IMMP2L: variants seen among roughly 807,000 people sequenced by gnomAD.
IMMP2L encodes the protein inner mitochondrial membrane peptidase subunit 2, also known as mitochondrial inner membrane protease subunit 2.
A neutral mutation model predicts 19.3 loss-of-function variants in IMMP2L; 18 were observed. The ratio of observed to expected loss-of-function variants is 0.93; its 90% confidence interval spans 0.64 to 1.38. The LOEUF is 1.38. IMMP2L is among the 40% of genes most tolerant of loss of function. IMMP2L has a pLI of 0.00. For missense variants in IMMP2L, 233 were observed against 218.2 expected (o/e 1.07, Z -0.43); for synonymous variants, 76 against 73.0 (o/e 1.04, Z -0.21).
chr7:111,295,579 A>G (rs1283659721), intron 3 of IMMP2L, among the ~76,000 whole-genome samples: 2 of 151,912 alleles, frequency 1.3e-5, no homozygotes, highest in Non-Finnish European at 2.9e-5. Context: ...TTGGGAAGCC[A>G]GTGAAAAAGA....
intron 3 of IMMP2L, among the ~76,000 whole-genome samples, chr7:111,015,724 G>C (rs1370827006): frequency 2.6e-5 from 4 of 151,964 alleles, no homozygotes; most frequent in African/African-American, 4.8e-5. Flanking sequence ...GTTTCTTTAG[G>C]GGGTAATGAA....
chr7:111,400,253 A>C (rs563724744), intron 3 of IMMP2L, among the ~76,000 whole-genome samples: 1 of 152,312 alleles, frequency 6.6e-6, no homozygotes, highest in East Asian at 1.9e-4. Flanking sequence ...AATGAGTACA[A>C]GACTACAAGA....
chr7:110,956,347 G>A (rs185891271), intron 4 of IMMP2L, among the ~76,000 whole-genome samples: 23 of 152,044 alleles, frequency 1.5e-4, no homozygotes, highest in Admixed American at 1.3e-3. Context: ...AAATGACTGC[G>A]TCATGAGCAG....
intron 3 of IMMP2L, among the ~76,000 whole-genome samples, chr7:111,368,149 A>G (rs1337075178): frequency 6.6e-6 from 1 of 151,878 alleles, no homozygotes; most frequent in Non-Finnish European, 1.5e-5. Flanking sequence ...ATATAGGAAA[A>G]AAGAGTTTTC....
intron 3 of IMMP2L, among the ~76,000 whole-genome samples, chr7:111,183,308 G>C (rs1298422419): frequency 6.6e-6 from 1 of 151,962 alleles, no homozygotes; most frequent in Non-Finnish European, 1.5e-5. Flanking sequence ...CTTTATAAGG[G>C]ATATTAGTCA....
intron 3 of IMMP2L, among the ~76,000 whole-genome samples, chr7:111,036,680 A>G (rs1365386981): frequency 2.6e-5 from 4 of 152,148 alleles, no homozygotes; most frequent in Non-Finnish European, 5.9e-5. Context: ...GATGTTACAC[A>G]TCTCTTTTTA....
At chr7:111,392,853 A>G (rs1245457463) in intron 3 of IMMP2L, 1 of 456,570 alleles carries the variant, frequency 2.2e-6, no homozygotes, top group South Asian at 1.5e-5. Context: ...TGAGGAGGTA[A>G]ATCTAGTGAG....
At chr7:111,442,035 G>A (rs113337911) in intron 3 of IMMP2L, among the ~76,000 whole-genome samples, 3,100 of 151,774 alleles carry the variant, frequency 0.02, 190 homozygotes, top group African/African-American at 0.071. Flanking sequence ...TTCTCAGGAG[G>A]CTGAGGCAAG....
chr7:110,975,926 C>A (rs1391274415), intron 3 of IMMP2L, among the ~76,000 whole-genome samples: 1 of 151,992 alleles, frequency 6.6e-6, no homozygotes, highest in Non-Finnish European at 1.5e-5. Flanking sequence ...AATATTGGAA[C>A]ATTAAACTAG....
chr7:110,828,784 T>G (rs953980729), intron 5 of IMMP2L, among the ~76,000 whole-genome samples: 1 of 152,134 alleles, frequency 6.6e-6, no homozygotes, highest in African/African-American at 2.4e-5. Flanking sequence ...AAATGAGATA[T>G]GGTTGAAAAA....
chr7:110,694,500 C>A (rs1168561862), intron 5 of IMMP2L, among the ~76,000 whole-genome samples: 1 of 152,128 alleles, frequency 6.6e-6, no homozygotes, highest in Non-Finnish European at 1.5e-5. Context: ...TCCTTAATTG[C>A]CTTTGAGACA....
At chr7:111,484,913 G>A (rs1275111722) in intron 3 of IMMP2L, among the ~76,000 whole-genome samples, 5 of 151,934 alleles carry the variant, frequency 3.3e-5, no homozygotes, top group African/African-American at 1.2e-4. Context: ...CAGCCTCCCA[G>A]GTAGCTAAGA....
intron 3 of IMMP2L, among the ~76,000 whole-genome samples, chr7:111,281,267 GAGAA>G (rs941249846): frequency 7.1e-6 from 1 of 140,352 alleles, no homozygotes; most frequent in Non-Finnish European, 1.6e-5. Flanking sequence ...GAAAGAGAGA[GAGAA>G]AGAAAGAGAA....
intron 3 of IMMP2L, among the ~76,000 whole-genome samples, chr7:111,016,855 T>TTA (rs1825713908): frequency 1.2e-5 from 1 of 83,762 alleles, no homozygotes; most frequent in Non-Finnish European, 2.1e-5. Context: ...ATAATATATA[T>TTA]TATATAATAT....
intron 5 of IMMP2L, among the ~76,000 whole-genome samples, chr7:110,878,122 T>C (rs997982456): frequency 6.6e-6 from 1 of 152,158 alleles, no homozygotes; most frequent in African/African-American, 2.4e-5. Context: ...CCCTGTCCTG[T>C]TCTTTCTGCT....
chr7:111,311,538 G>T (rs2130290030), intron 3 of IMMP2L, among the ~76,000 whole-genome samples: 1 of 152,220 alleles, frequency 6.6e-6, no homozygotes, highest in South Asian at 2.1e-4. Flanking sequence ...TCACACTGGG[G>T]ACAACTTGAA....
intron 3 of IMMP2L, among the ~76,000 whole-genome samples, chr7:111,115,633 G>T (rs1799791288): frequency 6.6e-6 from 1 of 151,504 alleles, no homozygotes; most frequent in African/African-American, 2.4e-5. Flanking sequence ...TGAGACATTT[G>T]CAATTATTTT....
Position 110,903,924 on chromosome 7 carries a change from G to C in IMMP2L, c.306-17229C>G, listed in dbSNP as rs201051465. Among the ~76,000 whole-genome samples, 6 of 152,078 alleles carry C rather than the reference G, an allele frequency of 3.9e-5. No homozygotes were observed. In the East Asian group the frequency reaches 7.7e-4, roughly 20 times the overall value. Reference sequence around the variant, plus strand: ...TTTTATAATAGTCATCCTCACAAGTGTGAGGTGGTATCTCGTTGTGGTTTT... The same window carrying C: ...TTTTATAATAGTCATCCTCACAAGTCTGAGGTGGTATCTCGTTGTGGTTTT... On this transcript the variant is annotated intron_variant, in intron 4 of 5. Coordinates refer to ENST00000405709, the MANE Select transcript of IMMP2L (RefSeq NM_032549.4).
chr7:111,259,149 C>T (rs917063778), intron 3 of IMMP2L, among the ~76,000 whole-genome samples: 7 of 151,944 alleles, frequency 4.6e-5, no homozygotes, highest in Admixed American at 2.6e-4. Context: ...CTGGTATAAA[C>T]GATTTAAAAT....
Sources: gnomAD v4.1 joint callset for allele counts (sites outside exome capture counted in the v4.1 genomes callset) on GRCh38, gnomAD v4.1.1 for gene constraint, MANE v1.5 for transcripts, NCBI Gene and HGNC (gene_info 2026-07-23, HGNC 2026-07-21) for gene names.